The following PPHLN1 variants were observed in gnomAD, a reference collection of about 807,000 sequenced individuals.
PPHLN1 encodes the protein periphilin 1, also known as periphilin-1.
PPHLN1 carries 29 observed loss-of-function variants against 51.3 expected under a neutral mutation model. The ratio of observed to expected loss-of-function variants is 0.57; its 90% confidence interval spans 0.42 to 0.77. PPHLN1 has a LOEUF of 0.77. PPHLN1 is among the 30% of genes least tolerant of loss of function. The probability of loss-of-function intolerance (pLI) is 0.00; values close to 1 mark genes in which losing one functional copy is unlikely to be tolerated. For missense variants in PPHLN1, 436 were observed against 438.4 expected (o/e 0.99, Z 0.05); for synonymous variants, 147 against 147.8 (o/e 0.99, Z 0.04).
chr12:42,434,786 C>T (rs895112537), intron 9 of PPHLN1, among the ~76,000 whole-genome samples: 9 of 152,320 alleles, frequency 5.9e-5, no homozygotes, highest in Admixed American at 2.6e-4. Flanking sequence ...CTTGGTCTCC[C>T]GGGTTGAAGC....
chr12:42,423,916 A>G (rs1443001572), intron 9 of PPHLN1, among the ~76,000 whole-genome samples: 1 of 152,138 alleles, frequency 6.6e-6, no homozygotes, highest in Non-Finnish European at 1.5e-5. Context: ...ACCTCAGGTG[A>G]TCTGCCCACC....
In PPHLN1 at chr12:42,348,276, ATTTT is replaced by A. The variant is rs1213561958; in HGVS notation, c.73-3587_73-3584del. On this transcript the variant is annotated intron_variant, in intron 2 of 9. Transcript: ENST00000358314. Reference sequence around the variant, plus strand: ...CAGGCATGCACACCTCACCTGGCTAATTTTTTTTTTTTTTTTTTTTTTTTTAGTA... The same window carrying A: ...CAGGCATGCACACCTCACCTGGCTAATTTTTTTTTTTTTTTTTTTTTAGTA... Among the ~76,000 whole-genome samples, 484 of 85,594 alleles carry A rather than the reference ATTTT, an allele frequency of 5.7e-3. 4 individuals are homozygous for A. The Middle Eastern group carries it at 0.074, about 13-fold the overall frequency. 56.2% of individuals were successfully genotyped at this position (85,594 alleles called of 152,430 possible).
intron 9 of PPHLN1, among the ~76,000 whole-genome samples, chr12:42,411,600 G>T (rs1366520054): frequency 6.6e-6 from 1 of 152,148 alleles, no homozygotes; most frequent in Admixed American, 6.5e-5. Flanking sequence ...AGTGTATATT[G>T]TATTCAATAA....
At chr12:42,380,832 C>T (rs1453521072) in intron 5 of PPHLN1, among the ~76,000 whole-genome samples, 1 of 152,114 alleles carries the variant, frequency 6.6e-6, no homozygotes, top group African/African-American at 2.4e-5. Flanking sequence ...AACAAAATAT[C>T]CTAGCATTTC....
chr12:42,345,163 C>T (rs1017513885), intron 2 of PPHLN1, among the ~76,000 whole-genome samples: 5 of 152,054 alleles, frequency 3.3e-5, no homozygotes, highest in African/African-American at 1.2e-4. Context: ...CTAACAAAAC[C>T]ATTTCACCAG....
At chr12:42,347,901 G>T (rs1467217678) in intron 2 of PPHLN1, among the ~76,000 whole-genome samples, 1 of 152,124 alleles carries the variant, frequency 6.6e-6, no homozygotes, top group Non-Finnish European at 1.5e-5. Flanking sequence ...AGTCCTCTTT[G>T]CTACAGGCTC....
intron 4 of PPHLN1, chr12:42,355,507 C>A: frequency 4.1e-6 from 1 of 245,574 alleles, no homozygotes; most frequent in Non-Finnish European, 7.9e-6. Flanking sequence ...GAGGCCAAGG[C>A]GGGCAAATCA....
intron 1 of PPHLN1, among the ~76,000 whole-genome samples, chr12:42,331,077 CTCTT>C (rs1461822207): frequency 1.3e-5 from 2 of 152,314 alleles, no homozygotes; most frequent in African/African-American, 2.4e-5. Flanking sequence ...AGTCCGATCT[CTCTT>C]TCTTTTCCCC....
chr12:42,416,260 G>A (rs567789679), intron 9 of PPHLN1, among the ~76,000 whole-genome samples: 1 of 152,260 alleles, frequency 6.6e-6, no homozygotes, highest in South Asian at 2.1e-4. Flanking sequence ...CACAGAGTAT[G>A]AATTTTTATT....
At chr12:42,377,028 C>T (rs931528668) in intron 5 of PPHLN1, among the ~76,000 whole-genome samples, 50 of 152,144 alleles carry the variant, frequency 3.3e-4, no homozygotes, top group African/African-American at 1.2e-3. Context: ...CTGCAGGCCG[C>T]GTGCAGCCCA....
chr12:42,420,382 T>TTG lies in PPHLN1; in HGVS notation c.910-20921_910-20920dup, dbSNP rs557821470. Among the ~76,000 whole-genome samples, 1,237 of 152,074 alleles carry TTG rather than the reference T, an allele frequency of 8.1e-3. 7 individuals carry two copies. Among genetic ancestry groups the TTG allele is most frequent in the Middle Eastern group, 0.017 (5 of 292 alleles). On this transcript the variant is annotated intron_variant, in intron 9 of 9. Coordinates refer to ENST00000358314, the MANE Select transcript of PPHLN1 (RefSeq NM_201439.2). ...TTTAGACATTTTGAAACTTGTCTCT[T>TTG]TGTGTGTGTGTGTTTGTCTCTTTTG...
chr12:42,382,924 G>GTTTTAAAACTTAAGAGTTTAAGTTTTAA (rs1241325730), intron 5 of PPHLN1, among the ~76,000 whole-genome samples: 2 of 152,098 alleles, frequency 1.3e-5, no homozygotes, highest in African/African-American at 4.8e-5. Context: ...TAAGTACAGT[G>GTTTTAAAACTTAAGAGTTTAAGTTTTAA]GTGGTGTTTC....
In PPHLN1 at chr12:42,364,031, C is replaced by G. The variant is rs562017340; in HGVS notation, c.299+8809C>G. 3.3e-5 allele frequency among the ~76,000 whole-genome samples: 5 copies of G among 152,020 alleles called. No individual in the cohort carries two copies. The East Asian group carries it at 7.8e-4, about 24-fold the overall frequency. ...TTGAGGCCAGGAGTTTGAGACCAGC[C>G]TGGCCAACATGGCAAAACCCTGTCT... On this transcript the variant is annotated intron_variant, in intron 4 of 9. Transcript: ENST00000358314.
chr12:42,385,231 C>A (rs1249010661), intron 6 of PPHLN1, among the ~76,000 whole-genome samples: 1 of 152,196 alleles, frequency 6.6e-6, no homozygotes, highest in South Asian at 2.1e-4. Flanking sequence ...GTAGAATAGA[C>A]AGGCCATTGG....
At chr12:42,328,264 A>C (rs2069115406) in intron 1 of PPHLN1, among the ~76,000 whole-genome samples, 1 of 152,242 alleles carries the variant, frequency 6.6e-6, no homozygotes, top group Non-Finnish European at 1.5e-5. Flanking sequence ...GTAAGGAAAC[A>C]GGCATAATTA....
At chr12:42,448,523 T>C (rs1353957387), downstream of PPHLN1, 2 of 152,228 alleles carry the variant, frequency 1.3e-5, no homozygotes, top group African/African-American at 2.4e-5. Flanking sequence ...ATTTTCATTG[T>C]CTTGCCATAT....
At chr12:42,420,313 T>A (rs2080869021) in intron 9 of PPHLN1, among the ~76,000 whole-genome samples, 1 of 145,338 alleles carries the variant, frequency 6.9e-6, no homozygotes, top group African/African-American at 2.5e-5. Context: ...TGTTTGAGAG[T>A]GTGTGTATAC....
chr12:42,328,691 A>G (rs1227174771), intron 1 of PPHLN1, among the ~76,000 whole-genome samples: 1 of 152,224 alleles, frequency 6.6e-6, no homozygotes, highest in Admixed American at 6.5e-5. Context: ...TTGTGAAACT[A>G]GTAGAGAATG....
intron 9 of PPHLN1, among the ~76,000 whole-genome samples, chr12:42,420,349 A>T (rs1296588269): frequency 2.0e-5 from 3 of 151,960 alleles, no homozygotes; most frequent in Admixed American, 2.0e-4. Flanking sequence ...AGACAATATA[A>T]ATAGGTTTTT....
Sources: gnomAD v4.1 joint callset for allele counts (sites outside exome capture counted in the v4.1 genomes callset) on GRCh38, gnomAD v4.1.1 for gene constraint, MANE v1.5 for transcripts, NCBI Gene and HGNC (gene_info 2026-07-23, HGNC 2026-07-21) for gene names.